MDN1: variants seen among roughly 807,000 people sequenced by gnomAD.
MDN1 encodes midasin AAA ATPase 1, also known as midasin.
A neutral mutation model predicts 669.2 loss-of-function variants in MDN1; 266 were observed. The observed-to-expected ratio is 0.40, with a 90% CI of 0.36 to 0.44. The LOEUF (loss-of-function observed/expected upper bound fraction) is 0.44. Ranked by LOEUF, MDN1 falls within the 20% of genes least tolerant of loss-of-function variation. The pLI is 1.00. For missense variants in MDN1, 5,940 were observed against 6,754.0 expected, an observed-to-expected ratio of 0.88 and a Z score of 4.22; for synonymous variants, 2,385 against 2,457.1, an observed-to-expected ratio of 0.97 and a Z score of 0.87.
At chr6:89,699,170 G>A in intron 58 of MDN1, 135 bp from the exon 59 acceptor site, 1 of 737,736 alleles carries the variant, frequency 1.4e-6, no homozygotes. Flanking sequence ...CCGTTTCTCT[G>A]CCACCCCAGT....
chr6:89,811,989 C>CT (rs752960421), intron 1 of MDN1, among the ~76,000 whole-genome samples: 104 of 145,350 alleles, frequency 7.2e-4, no homozygotes, highest in Middle Eastern at 7.2e-3. Flanking sequence ...CAAGAAAAAA[C>CT]TTTTTTTTTT....
intron 9 of MDN1, among the ~76,000 whole-genome samples, chr6:89,783,062 G>C (rs1156581760): frequency 3.3e-5 from 5 of 152,084 alleles, no homozygotes; most frequent in Admixed American, 3.3e-4. Context: ...TATGAAATCA[G>C]TGCACCTTGA....
At chr6:89,747,808 A>G (rs143666059) in intron 26 of MDN1, among the ~76,000 whole-genome samples, 6,718 of 148,784 alleles carry the variant, frequency 0.045, 498 homozygotes, top group African/African-American at 0.16. Flanking sequence ...GGAGAACCGC[A>G]TGAACCCGGG....
At chr6:89,759,241 C>A (rs1817412451) in intron 17 of MDN1, among the ~76,000 whole-genome samples, 1 of 152,124 alleles carries the variant, frequency 6.6e-6, no homozygotes. Flanking sequence ...ACATTGTAGT[C>A]AGGTCTTTAA....
chr6:89,655,727 T>C (rs1361869858), intron 92 of MDN1, 37 bp downstream of exon 92: 2 of 1,549,412 alleles, frequency 1.3e-6, no homozygotes, highest in Non-Finnish European at 1.8e-6. Context: ...CATAGAGAGC[T>C]CAGTGGGCAA....
At chr6:89,736,072 C>T (rs1442970553) in intron 33 of MDN1, among the ~76,000 whole-genome samples, 7 of 152,162 alleles carry the variant, frequency 4.6e-5, no homozygotes, top group Non-Finnish European at 8.8e-5. Flanking sequence ...TGTCTAGTTT[C>T]CTGTTTTATA....
rs1469382328 is a variant in MDN1 at position 89,718,494 on chromosome 6, A to G, written c.6455T>C (p.Leu2152Pro). 1.2e-6 allele frequency: 2 copies of G among 1,614,074 alleles called. No homozygotes were observed. Among genetic ancestry groups the G allele is most frequent in the Non-Finnish European group, 1.7e-6 (2 of 1,180,044 alleles). The change falls in exon 43 of 102, where the codon CTG becomes CCG. Residue 2152 changes from leucine to proline, a missense_variant. This residue lies in a region of MDN1 where 2,292 missense variants were observed against 2,638.3 expected (regional missense o/e 0.87). Transcript: ENST00000369393. Reference sequence around the variant, plus strand: ...TCCAAGACACTTAGGCTTATATGTCAGAAGAAAATGACTCCAGGCTCGCAG... The same window carrying G: ...TCCAAGACACTTAGGCTTATATGTCGGAAGAAAATGACTCCAGGCTCGCAG... ...VVLRAWSHFL[L>P]TYKPKCLGEG...
chr6:89,740,512 TCA>T (rs1816236507), intron 31 of MDN1, 134 bp from the exon 32 acceptor site: 1 of 857,362 alleles, frequency 1.2e-6, no homozygotes, highest in Non-Finnish European at 1.6e-6. Flanking sequence ...TGGTTTCCTA[TCA>T]CAAATTTTAA....
intron 50 of MDN1, among the ~76,000 whole-genome samples, chr6:89,709,906 G>T (rs978362432): frequency 1.3e-5 from 2 of 152,090 alleles, no homozygotes; most frequent in African/African-American, 4.8e-5. Flanking sequence ...CGTCATCAAG[G>T]TTTTCTCAGA....
chr6:89,751,525 C>T lies in MDN1; in HGVS notation c.3133G>A (p.Val1045Met). The change falls in exon 23 of 102, where the codon GTG becomes ATG. Residue 1045 changes from valine (V) to methionine (M), a missense_variant. Val to Met is a conservative substitution (Grantham distance 21, BLOSUM62 1). Coordinates refer to ENST00000369393, the MANE Select transcript of MDN1 (RefSeq NM_014611.3). ...TCTATTGTAGGCTCCTTGTCTCCCA[C>T]CGCAATCCAGTAGCCTTCAACCTGG... The part of the protein sequence containing the change: ...LIQVEGYWIA[V>M]GDKEPTIDET... The T allele has an allele frequency of 6.2e-7, 1 of 1,614,164 alleles. No individual in the cohort carries two copies. Among genetic ancestry groups the T allele is most frequent in the Non-Finnish European group, 8.5e-7 (1 of 1,180,010 alleles).
chr6:89,711,997 T>C, intron 49 of MDN1, 39 bp downstream of exon 49: 2 of 1,532,036 alleles, frequency 1.3e-6, no homozygotes, highest in Non-Finnish European at 1.8e-6. Context: ...TAAGTGTATA[T>C]AAATCACATC....
chr6:89,678,654 A>C lies in MDN1; in HGVS notation c.12357T>G (p.Ile4119Met), dbSNP rs116712728. ...ACAAAGCTCGCTGTTTTTGCATGAG[A>C]ATGTGCTTGGCTTCTGACCGCTGCT... is the stretch of plus-strand genomic sequence containing the variant. ...KEKQRSEAKH[I>M]LMQKQRALSD... is the part of the protein sequence containing the mutation. The change falls in exon 75 of 102, where the codon ATT (isoleucine) becomes ATG (methionine). Residue 4119 changes from isoleucine to methionine, a missense_variant. By Grantham distance (10) the Ile-to-Met change is conservative. Coordinates refer to ENST00000369393, the MANE Select transcript of MDN1 (RefSeq NM_014611.3). 785 of 1,614,064 alleles carry C rather than the reference A, an allele frequency of 4.9e-4. 6 individuals are homozygous for C. In the African/African-American group the frequency reaches 9.1e-3, roughly 19 times the overall value.
chr6:89,803,576 A>C, intron 1 of MDN1, 22 bp from the exon 2 acceptor site: 5 of 1,518,402 alleles, frequency 3.3e-6, no homozygotes, highest in Admixed American at 1.9e-5. Context: ...AAAACAAAAC[A>C]TCTTTCACTT....
chr6:89,665,437 G>A (rs1033330548), intron 84 of MDN1, among the ~76,000 whole-genome samples: 6 of 152,200 alleles, frequency 3.9e-5, no homozygotes, highest in Admixed American at 1.3e-4. Context: ...GGCCAGGCAC[G>A]GTAGCTCATG....
In MDN1 at chr6:89,729,140, C is replaced by T; in HGVS notation, c.5141-1G>A. The T allele has an allele frequency of 6.2e-7, 1 of 1,610,044 alleles. No individual in the cohort carries two copies. Among genetic ancestry groups the T allele is most frequent in the Non-Finnish European group, 8.5e-7 (1 of 1,178,998 alleles). ...ATATTATTCCTGTGTAGGACAGGTC[C>T]TTAAGTGGAGAAAAGTAAAGTCATG... On this transcript the variant is annotated splice_acceptor_variant, in intron 35 of 101. Transcript: ENST00000369393. LOFTEE classifies it high-confidence loss of function.
chr6:89,744,710 T>C (rs1160869712), intron 29 of MDN1, among the ~76,000 whole-genome samples: 1 of 151,878 alleles, frequency 6.6e-6, no homozygotes, highest in African/African-American at 2.4e-5. Flanking sequence ...GCTGAGACTC[T>C]GACTTTACAA....
Position 89,790,203 on chromosome 6 carries a change from G to T in MDN1, c.1054C>A (p.Pro352Thr), listed in dbSNP as rs377387516. ...LAAVTGRTKP[P>T]QLLKVQLGDQ... is the part of the protein sequence containing the mutation. ...CCAAGCTGGACTTTGAGAAGCTGAG[G>T]AGGCTTTGTTCTACCTGTCACTGCA... The change falls in exon 6 of 102, where the codon CCT (proline) becomes ACT (threonine). Residue 352 changes from proline (P) to threonine (T), a missense_variant. Pro to Thr is a conservative substitution (Grantham distance 38). Transcript: ENST00000369393. 1.7e-5 allele frequency: 27 copies of T among 1,614,004 alleles called. No homozygotes were observed. The African/African-American group carries it at 3.6e-4, about 22-fold the overall frequency.
chr6:89,734,469 A>G (rs1815794066), intron 33 of MDN1, among the ~76,000 whole-genome samples: 1 of 151,974 alleles, frequency 6.6e-6, no homozygotes, highest in Non-Finnish European at 1.5e-5. Context: ...CCTGGCCAAT[A>G]TGGCAAAACC....
intron 2 of MDN1, chr6:89,797,630 G>C (rs905453326): frequency 4.3e-6 from 2 of 469,856 alleles, no homozygotes; most frequent in Non-Finnish European, 8.7e-6. Flanking sequence ...ATTATGTTTT[G>C]CAAGCCATGA....
Sources: allele counts gnomAD v4.1 joint callset (sites outside exome capture counted in the v4.1 genomes callset), GRCh38; gene constraint gnomAD v4.1.1; regional missense constraint gnomAD v4.1.1; transcripts MANE v1.5; gene names NCBI Gene and HGNC (gene_info 2026-07-23, HGNC 2026-07-21).